FSCN2: variants seen among roughly 807,000 people sequenced by gnomAD.
FSCN2 encodes the protein fascin-2.
In FSCN2, 46 loss-of-function variants were observed where a neutral mutation model predicts 37.8. That is an observed-to-expected ratio of 1.22 (90% CI 0.96 to 1.56). The LOEUF (loss-of-function observed/expected upper bound fraction) is 1.56, where lower values mean the gene tolerates loss of function less well. Ranked by LOEUF, FSCN2 falls within the 40% of genes most tolerant of loss-of-function variation. The pLI is 0.00. For synonymous variants in FSCN2, 351 were observed against 309.4 expected, an observed-to-expected ratio of 1.13 and a Z score of -1.41; for missense variants, 844 against 730.4, an observed-to-expected ratio of 1.16 and a Z score of -1.79.
intron 3 of FSCN2, 61 bp downstream of exon 3, chr17:81,536,328 G>T (rs74002410): frequency 1.3e-6 from 2 of 1,545,412 alleles, no homozygotes; most frequent in Non-Finnish European, 1.7e-6. Flanking sequence ...GAAAGGACCT[G>T]CCCAGACACC....
the FSCN2 span, among the ~76,000 whole-genome samples, chr17:81,520,504 T>TG: frequency 6.6e-6 from 1 of 152,240 alleles, no homozygotes; most frequent in African/African-American, 2.4e-5. Flanking sequence ...AGGCATCCTT[T>TG]GGGGGCGTCA....
At chr17:81,519,497 C>G in the FSCN2 span, among the ~76,000 whole-genome samples, 2 of 152,158 alleles carry the variant, frequency 1.3e-5, no homozygotes, top group Non-Finnish European at 2.9e-5. Context: ...AATGGCGGGC[C>G]GCTGTCGTTC....
chr17:81,531,258 ATGATGG>A (rs1568076942), intron 1 of FSCN2, among the ~76,000 whole-genome samples: 83 of 70,212 alleles, frequency 1.2e-3, no homozygotes, highest in Middle Eastern at 0.021. Flanking sequence ...GGTGATGGTG[ATGATGG>A]TGGTGATGGC....
Position 81,533,458 on chromosome 17 carries a change from G to A in FSCN2, c.827-1594G>A, listed in dbSNP as rs1171918346. On this transcript the variant is annotated intron_variant, in intron 1 of 4. Coordinates refer to ENST00000417245, the MANE Select transcript of FSCN2 (RefSeq NM_012418.4). ...AGTCCTCCGTTCTTACCTCCTCACCGAACCACTCTCCTGGGTCAGCTCTGA... is the reference window on the plus strand; with the variant it reads ...AGTCCTCCGTTCTTACCTCCTCACCAAACCACTCTCCTGGGTCAGCTCTGA... Among the ~76,000 whole-genome samples the A allele has an allele frequency of 3.9e-5, 6 of 152,154 alleles. No homozygotes were observed. The East Asian group carries it at 5.8e-4, about 15-fold the overall frequency.
the FSCN2 span, among the ~76,000 whole-genome samples, chr17:81,519,987 G>A: frequency 2.0e-5 from 3 of 152,220 alleles, no homozygotes; most frequent in Non-Finnish European, 2.9e-5. Flanking sequence ...AGCAGGAAAA[G>A]GTGGCTCCAG....
chr17:81,529,777 C>A, intron 1 of FSCN2: 1 of 405,580 alleles, frequency 2.5e-6, no homozygotes, highest in Non-Finnish European at 4.8e-6. Flanking sequence ...CATATCTCCC[C>A]TTCTTTTTCT....
the FSCN2 span, among the ~76,000 whole-genome samples, chr17:81,517,767 C>T: frequency 6.6e-6 from 1 of 151,280 alleles, no homozygotes; most frequent in East Asian, 1.9e-4. Flanking sequence ...GCCGCCCCCC[C>T]CCCCTCCAGT....
the FSCN2 span, among the ~76,000 whole-genome samples, chr17:81,520,031 A>G: frequency 6.6e-6 from 1 of 152,162 alleles, no homozygotes; most frequent in Non-Finnish European, 1.5e-5. Context: ...ATCTCACTAC[A>G]TACACCTGCT....
chr17:81,530,387 C>T (rs1296572132), intron 1 of FSCN2, among the ~76,000 whole-genome samples: 3 of 152,224 alleles, frequency 2.0e-5, no homozygotes, highest in Non-Finnish European at 4.4e-5. Flanking sequence ...TGTGTGACTC[C>T]CTCCACCGCC....
chr17:81,531,327 G>GTTGAGA (rs2032565321), intron 1 of FSCN2, among the ~76,000 whole-genome samples: 1 of 103,824 alleles, frequency 9.6e-6, no homozygotes, highest in Non-Finnish European at 1.8e-5. Flanking sequence ...GATGATGGTG[G>GTTGAGA]TGGTGGTGAT....
At chr17:81,531,546 GTGA>G in intron 1 of FSCN2, among the ~76,000 whole-genome samples, 2 of 117,864 alleles carry the variant, frequency 1.7e-5, no homozygotes, top group Non-Finnish European at 3.6e-5. Context: ...GGTGATGATG[GTGA>G]TGGCGATGAT....
intron 1 of FSCN2, among the ~76,000 whole-genome samples, chr17:81,529,911 G>A (rs1555670996): frequency 6.6e-6 from 1 of 152,246 alleles, no homozygotes; most frequent in East Asian, 1.9e-4. Flanking sequence ...ACGGGTTCAC[G>A]CCATTCTCCT....
At chr17:81,517,589 C>T in the FSCN2 span, among the ~76,000 whole-genome samples, 3 of 152,172 alleles carry the variant, frequency 2.0e-5, no homozygotes, top group Non-Finnish European at 4.4e-5. Flanking sequence ...CCTGCTCCTC[C>T]CTCTGTTCCC....
At chr17:81,532,328 A>ATAATG (rs1334908911) in intron 1 of FSCN2, among the ~76,000 whole-genome samples, 1 of 36,892 alleles carries the variant, frequency 2.7e-5, no homozygotes, top group Admixed American at 2.8e-4. Context: ...TGGTGATGAT[A>ATAATG]GTGATGGTGA....
At chr17:81,526,042 A>C (rs2032340161), upstream of FSCN2, among the ~76,000 whole-genome samples, 1 of 152,226 alleles carries the variant, frequency 6.6e-6, no homozygotes, top group Non-Finnish European at 1.5e-5. Context: ...AGGAGCCGCC[A>C]TCATTTCTGG....
the FSCN2 span, among the ~76,000 whole-genome samples, chr17:81,519,914 C>T: frequency 6.6e-6 from 1 of 152,214 alleles, no homozygotes; most frequent in African/African-American, 2.4e-5. Context: ...CAGATGGCCC[C>T]TGCTAAGCAC....
chr17:81,534,066 T>C (rs1362544271), intron 1 of FSCN2, among the ~76,000 whole-genome samples: 1 of 152,242 alleles, frequency 6.6e-6, no homozygotes, highest in East Asian at 1.9e-4. Context: ...CTGGCACGAA[T>C]ACTCGGTCAC....
intron 1 of FSCN2, among the ~76,000 whole-genome samples, chr17:81,532,170 G>GTGGTGGTGATGGTGGTGGTGA (rs1568078791): frequency 3.6e-5 from 4 of 110,998 alleles, no homozygotes; most frequent in African/African-American, 2.0e-4. Context: ...GATGGTGATG[G>GTGGTGGTGATGGTGGTGGTGA]TGGTGGTGAT....
intron 1 of FSCN2, among the ~76,000 whole-genome samples, chr17:81,532,718 GGTGATA>G (rs1344459649): frequency 2.6e-5 from 4 of 151,730 alleles, no homozygotes; most frequent in South Asian, 2.1e-4. Context: ...TGATGGTGGT[GGTGATA>G]GTGATGGTGA....
Sources: gnomAD v4.1 joint callset for allele counts (sites outside exome capture counted in the v4.1 genomes callset) on GRCh38, gnomAD v4.1.1 for gene constraint, MANE v1.5 for transcripts, NCBI Gene and HGNC (gene_info 2026-07-23, HGNC 2026-07-21) for gene names.